The following DLGAP1 variants were observed in gnomAD, a reference collection of about 807,000 sequenced individuals.
DLGAP1 encodes the protein DLG associated protein 1, also known as disks large-associated protein 1.
In DLGAP1, 11 loss-of-function variants were observed where a neutral mutation model predicts 90.8. The ratio of observed to expected loss-of-function variants is 0.12; its 90% CI spans 0.08 to 0.20. DLGAP1 has a LOEUF of 0.20. DLGAP1 is among the 10% of genes least tolerant of loss of function. DLGAP1 has a pLI of 1.00. For synonymous variants in DLGAP1, 558 were observed against 540.7 expected, an observed-to-expected ratio of 1.03 and a Z score of -0.44; for missense variants, 1,050 against 1,333.8, an observed-to-expected ratio of 0.79 and a Z score of 3.31.
intron 7 of DLGAP1, among the ~76,000 whole-genome samples, chr18:3,686,040 G>A (rs2060692999): frequency 6.6e-6 from 1 of 151,996 alleles, no homozygotes; most frequent in African/African-American, 2.4e-5. Context: ...AATTGGGCAT[G>A]GTGGCACGTG....
At chr18:3,798,006 C>T (rs926213711) in intron 5 of DLGAP1, among the ~76,000 whole-genome samples, 4 of 152,126 alleles carry the variant, frequency 2.6e-5, no homozygotes, top group African/African-American at 9.7e-5. Context: ...GCCGCTCTTG[C>T]CTTCTGCCAT....
At chr18:4,114,056 CTTTTTT>C (rs58180172) in intron 2 of DLGAP1, among the ~76,000 whole-genome samples, 119 of 106,890 alleles carry the variant, frequency 1.1e-3, no homozygotes, top group Admixed American at 3.2e-3. Flanking sequence ...ATGCCTCTGG[CTTTTTT>C]TTTTTTTTTT....
At chr18:4,049,855 T>C (rs2075106965) in intron 2 of DLGAP1, among the ~76,000 whole-genome samples, 1 of 151,750 alleles carries the variant, frequency 6.6e-6, no homozygotes. Flanking sequence ...CCCAAACACC[T>C]ACCTACTCAT....
intron 3 of DLGAP1, among the ~76,000 whole-genome samples, chr18:3,961,500 C>T (rs1390299725): frequency 6.6e-6 from 1 of 152,162 alleles, no homozygotes; most frequent in Non-Finnish European, 1.5e-5. Context: ...AAGGTCCTGG[C>T]CCTCTGCCCC....
intron 1 of DLGAP1, among the ~76,000 whole-genome samples, chr18:4,426,144 T>C (rs541699267): frequency 6.6e-6 from 1 of 152,278 alleles, no homozygotes; most frequent in African/African-American, 2.4e-5. Context: ...GTGGTAGTGA[T>C]GTAGTTCTGT....
At chr18:4,076,601 C>A (rs2075526247) in intron 2 of DLGAP1, among the ~76,000 whole-genome samples, 1 of 151,990 alleles carries the variant, frequency 6.6e-6, no homozygotes, top group Non-Finnish European at 1.5e-5. Context: ...TCACAACACT[C>A]TGTTTTCTTT....
intron 9 of DLGAP1, among the ~76,000 whole-genome samples, chr18:3,539,957 T>A (rs188469312): frequency 1.1e-4 from 16 of 152,198 alleles, no homozygotes; most frequent in Non-Finnish European, 2.1e-4. Context: ...ACTCTGCTAT[T>A]CTTTCTTTCT....
At chr18:4,394,525 T>C (rs561839644) in intron 1 of DLGAP1, among the ~76,000 whole-genome samples, 16 of 152,170 alleles carry the variant, frequency 1.1e-4, no homozygotes, top group South Asian at 8.3e-4. Flanking sequence ...TGGAGAAGAA[T>C]TTGGGGGAAA....
chr18:3,926,542 A>G (rs1351989210), intron 3 of DLGAP1, among the ~76,000 whole-genome samples: 1 of 152,042 alleles, frequency 6.6e-6, no homozygotes, highest in African/African-American at 2.4e-5. Flanking sequence ...ATACATGCAG[A>G]CACATCTCTC....
At chr18:4,079,463 TTA>T (rs939660479) in intron 2 of DLGAP1, among the ~76,000 whole-genome samples, 62 of 151,960 alleles carry the variant, frequency 4.1e-4, no homozygotes, top group African/African-American at 1.5e-3. Context: ...GTATTCTCAC[TTA>T]TAAGTAGGAG....
chr18:3,767,351 C>G (rs1162887620), intron 5 of DLGAP1, among the ~76,000 whole-genome samples: 2 of 152,056 alleles, frequency 1.3e-5, no homozygotes, highest in African/African-American at 4.8e-5. Flanking sequence ...TATACACAAT[C>G]TTTTCCAGAA....
intron 8 of DLGAP1, chr18:3,580,794 T>G: frequency 6.3e-7 from 1 of 1,595,376 alleles, no homozygotes; most frequent in Non-Finnish European, 8.6e-7. Context: ...TCAGGGGTGG[T>G]GCCGAAGCGT....
intron 7 of DLGAP1, among the ~76,000 whole-genome samples, chr18:3,717,765 C>A (rs1330193509): frequency 1.3e-5 from 2 of 152,186 alleles, no homozygotes; most frequent in East Asian, 3.9e-4. Flanking sequence ...ATTCATGGGG[C>A]AAATTCTATG....
At chr18:3,880,900 ACCACTGC>A (rs2071143531) in intron 3 of DLGAP1, among the ~76,000 whole-genome samples, 1 of 144,988 alleles carries the variant, frequency 6.9e-6, no homozygotes, top group South Asian at 2.3e-4. Flanking sequence ...CAGAGATGGC[ACCACTGC>A]ACTCCAGCCT....
At chr18:4,233,620 AGAAG>A (rs1433502505) in intron 1 of DLGAP1, among the ~76,000 whole-genome samples, 1 of 152,138 alleles carries the variant, frequency 6.6e-6, no homozygotes, top group Admixed American at 6.6e-5. Context: ...TTTATTTGTT[AGAAG>A]GAAGTCATTA....
At chr18:4,118,637 C>G (rs1265387840) in intron 2 of DLGAP1, among the ~76,000 whole-genome samples, 1 of 84,806 alleles carries the variant, frequency 1.2e-5, no homozygotes, top group Non-Finnish European at 2.3e-5. Flanking sequence ...GAAACTGTAG[C>G]CCCAGGCTGG....
intron 1 of DLGAP1, among the ~76,000 whole-genome samples, chr18:4,258,627 T>G (rs947087792): frequency 2.6e-5 from 4 of 152,092 alleles, no homozygotes; most frequent in Admixed American, 2.6e-4. Flanking sequence ...TATTAAAATA[T>G]TACACATGGC....
intron 3 of DLGAP1, among the ~76,000 whole-genome samples, chr18:3,897,984 C>CG (rs879934561): frequency 5.3e-5 from 8 of 151,680 alleles, no homozygotes; most frequent in East Asian, 3.9e-4. Flanking sequence ...TTAGTAGAGA[C>CG]GGGGTTTCAC....
chr18:4,198,687 C>T (rs1453384869), intron 1 of DLGAP1, among the ~76,000 whole-genome samples: 2 of 152,148 alleles, frequency 1.3e-5, no homozygotes, highest in African/African-American at 2.4e-5. Flanking sequence ...ATCATTTAAT[C>T]TGCCAGAAAT....
Sources: gnomAD v4.1 joint callset for allele counts (sites outside exome capture counted in the v4.1 genomes callset) on GRCh38, gnomAD v4.1.1 for gene constraint, MANE v1.5 for transcripts, NCBI Gene and HGNC (gene_info 2026-07-23, HGNC 2026-07-21) for gene names.